Variants in LDHB observed in about 807,000 individuals in gnomAD.
LDHB encodes the protein lactate dehydrogenase B.
A neutral mutation model predicts 33.4 loss-of-function variants in LDHB; 18 were observed. The observed-to-expected ratio is 0.54, with a 90% confidence interval of 0.37 to 0.80. LDHB has a LOEUF of 0.80. Among genes scored for constraint, LDHB ranks in the 30% least tolerant of loss-of-function variants. LDHB has a pLI of 0.00. For synonymous variants in LDHB, 121 were observed against 140.6 expected, an observed-to-expected ratio of 0.86 and a Z score of 0.98; for missense variants, 345 against 407.9, an observed-to-expected ratio of 0.85 and a Z score of 1.33.
intron 2 of LDHB, among the ~76,000 whole-genome samples, chr12:21,652,417 A>G (rs920408568): frequency 6.6e-6 from 1 of 152,196 alleles, no homozygotes; most frequent in Non-Finnish European, 1.5e-5. Context: ...CCTATCTCCT[A>G]AGGTTGTTTA....
intron 3 of LDHB, 31 bp from the exon 4 acceptor site, chr12:21,644,139 T>C (rs777885842): frequency 6.9e-7 from 1 of 1,451,096 alleles, no homozygotes; most frequent in East Asian, 2.3e-5. Context: ...ACAGGTACTT[T>C]AAATGCAACT....
In LDHB at chr12:21,644,030, T is replaced by C. The variant is rs200872434; in HGVS notation, c.326A>G (p.Asn109Ser). The stretch of plus-strand genomic sequence containing the variant: ...GACATTAACATTTCTCTGCACCAGA[T>C]TGAGCCGACTCTCCCCTTCTTGCTG... ...VRQQEGESRL[N>S]LVQRNVNVFK... is the part of the protein sequence containing the mutation. The change falls in exon 4 of 8, where the codon AAT (asparagine) becomes AGT (serine). Residue 109 changes from asparagine (N) to serine (S), a missense_variant. Transcript: ENST00000350669. The C allele has an allele frequency of 2.5e-6, 4 of 1,612,588 alleles. No individual in the cohort carries two copies. The highest frequency in any genetic ancestry group is 1.1e-5 in the South Asian group (1 of 91,040).
rs556699145 is a variant in LDHB, at chr12:21,650,195, G to A, written c.130-3179C>T. ...TTAGTATGCATAAAATTTTGCGGGA[G>A]GAAAAGGTATAACCTTTCTCAAATA... is the stretch of plus-strand genomic sequence containing the variant. On this transcript the variant is annotated intron_variant, in intron 2 of 7. Coordinates refer to ENST00000350669, the MANE Select transcript of LDHB (RefSeq NM_002300.8). Among the ~76,000 whole-genome samples the A allele has an allele frequency of 7.3e-5, 11 of 151,568 alleles. No homozygotes were observed. The East Asian group carries it at 2.1e-3, about 29-fold the overall frequency.
chr12:21,643,963 A>G lies in LDHB; in HGVS notation c.393T>C (p.Asp131=), dbSNP rs138677889. 3.2e-5 allele frequency: 52 copies of G among 1,612,684 alleles called. No individual in the cohort carries two copies. The African/African-American group carries it at 6.1e-4, about 19-fold the overall frequency. The change falls in exon 4 of 8, where the codon GAT becomes GAC. Residue 131 remains aspartate, a synonymous_variant. Transcript: ENST00000350669. ...GGTTGGAAACCACAATTATGATGCAATCAGGACTGTACTTGACGATCTGAG... is the reference window on the plus strand; with the variant it reads ...GGTTGGAAACCACAATTATGATGCAGTCAGGACTGTACTTGACGATCTGAG... The part of the protein sequence containing the change: ...IIPQIVKYSP[D]CIIIVVSNPV...
At chr12:21,637,672 A>C (rs189991392) in intron 6 of LDHB, among the ~76,000 whole-genome samples, 1 of 152,186 alleles carries the variant, frequency 6.6e-6, no homozygotes, top group Admixed American at 6.5e-5. Flanking sequence ...CTTAAAACCC[A>C]TAAAGGCCCT....
chr12:21,653,320 C>A (rs1356448531), intron 2 of LDHB, among the ~76,000 whole-genome samples: 1 of 152,134 alleles, frequency 6.6e-6, no homozygotes, highest in African/African-American at 2.4e-5. Context: ...TACTCTAAAA[C>A]AGGGGTCCCC....
intron 2 of LDHB, among the ~76,000 whole-genome samples, chr12:21,648,222 A>G (rs1047782771): frequency 9.9e-5 from 15 of 152,144 alleles, no homozygotes; most frequent in African/African-American, 3.6e-4. Flanking sequence ...GCTAAGTAGA[A>G]TACATCAATA....
rs148015746 is a variant in LDHB at position 21,639,013 on chromosome 12, C to T, written c.596-543G>A. ...TGGGCCTTTGAATTGGACCTTAAAA[C>T]CTAAGTTATATGTTTCTTGGAGACC... On this transcript the variant is annotated intron_variant, in intron 5 of 7. Coordinates refer to ENST00000350669, the MANE Select transcript of LDHB (RefSeq NM_002300.8). Among the ~76,000 whole-genome samples the T allele has an allele frequency of 2.7e-3, 407 of 151,838 alleles. 4 individuals carry two copies. The highest frequency in any genetic ancestry group is 9.4e-3 in the African/African-American group (390 of 41,468).
chr12:21,647,565 T>C (rs561312187), intron 2 of LDHB, among the ~76,000 whole-genome samples: 1 of 152,292 alleles, frequency 6.6e-6, no homozygotes, highest in Admixed American at 6.5e-5. Flanking sequence ...ACTCCAAATC[T>C]GTGCCTGAGA....
At position 21,644,073 on chromosome 12, in the gene LDHB, C is replaced by G; in HGVS notation, c.283G>C (p.Val95Leu). ...SVTANSKIVV[V>L]TAGVRQQEGE... The stretch of plus-strand genomic sequence containing the variant: ...TCTTGCTGACGGACTCCTGCAGTTA[C>G]CACTACAATCTTAGAATTGGCAGTC... The change falls in exon 4 of 8, where the codon GTA becomes CTA. Residue 95 changes from valine to leucine, a missense_variant. Val to Leu is a conservative substitution (Grantham distance 32, BLOSUM62 1). Transcript: ENST00000350669. 1 of 1,613,398 alleles carries G rather than the reference C, an allele frequency of 6.2e-7. No individual in the cohort carries two copies. Among genetic ancestry groups the G allele is most frequent in the Non-Finnish European group, 8.5e-7 (1 of 1,179,446 alleles).
chr12:21,639,532 A>G (rs988233196), intron 5 of LDHB, among the ~76,000 whole-genome samples: 1 of 152,050 alleles, frequency 6.6e-6, no homozygotes, highest in African/African-American at 2.4e-5. Flanking sequence ...AGGACATGTA[A>G]TATCACTTCT....
chr12:21,641,014 A>T (rs1938357691), intron 5 of LDHB, among the ~76,000 whole-genome samples: 1 of 152,190 alleles, frequency 6.6e-6, no homozygotes, highest in South Asian at 2.1e-4. Context: ...CAACTAATAC[A>T]GAATAAATGA....
intron 3 of LDHB, 92 bp from the exon 4 acceptor site, chr12:21,644,200 T>C: frequency 1.1e-6 from 1 of 931,174 alleles, no homozygotes. Flanking sequence ...TAACCATACA[T>C]AAGCTTCTAG....
At chr12:21,652,957 G>A (rs963900241) in intron 2 of LDHB, among the ~76,000 whole-genome samples, 2 of 152,176 alleles carry the variant, frequency 1.3e-5, no homozygotes, top group Non-Finnish European at 2.9e-5. Context: ...GGCTTGGTTA[G>A]GGGTTATTCA....
At chr12:21,654,190 G>C (rs185492039) in intron 2 of LDHB, among the ~76,000 whole-genome samples, 1 of 152,200 alleles carries the variant, frequency 6.6e-6, no homozygotes. Context: ...AGAATGAAGA[G>C]ACGTAAGTAT....
In LDHB at chr12:21,644,722, C is replaced by T. The variant is rs555733234; in HGVS notation, c.248-614G>A. Among the ~76,000 whole-genome samples, 19 of 152,250 alleles carry T rather than the reference C, an allele frequency of 1.2e-4. No individual in the cohort carries two copies. In the East Asian group the frequency reaches 3.5e-3, roughly 28 times the overall value. On this transcript the variant is annotated intron_variant, in intron 3 of 7. Transcript: ENST00000350669. ...GCTATGGATGATTCACATAATTAAACTGGGTTACAGTGCGGCTTTTGATGA... is the reference window on the plus strand; with the variant it reads ...GCTATGGATGATTCACATAATTAAATTGGGTTACAGTGCGGCTTTTGATGA...
Position 21,654,692 on chromosome 12 carries a change from T to C in LDHB, c.-6-15A>G, listed in dbSNP as rs1445847823. 3.7e-6 allele frequency: 6 copies of C among 1,604,632 alleles called. No homozygotes were observed. The East Asian group carries it at 1.3e-4, about 36-fold the overall frequency. ...GCCATTTTGCACTGCAAGGAAAGAA[T>C]CAAAACATTACACGTATATCTGCAT... On this transcript the variant is annotated splice_polypyrimidine_tract_variant and intron_variant, in intron 1 of 7. Transcript: ENST00000350669.
intron 6 of LDHB, 29 bp downstream of exon 6, chr12:21,638,324 C>A (rs374535521): frequency 1.3e-5 from 14 of 1,117,872 alleles, no homozygotes; most frequent in Middle Eastern, 2.2e-4. Flanking sequence ...TGAAATTAAT[C>A]ATCTAAAATC....
At chr12:21,653,985 T>C (rs1938764520) in intron 2 of LDHB, among the ~76,000 whole-genome samples, 1 of 152,140 alleles carries the variant, frequency 6.6e-6, no homozygotes, top group African/African-American at 2.4e-5. Context: ...ACATCATGTG[T>C]CTCCTGATGG....
Sources: allele counts gnomAD v4.1 joint callset (sites outside exome capture counted in the v4.1 genomes callset), GRCh38; gene constraint gnomAD v4.1.1; transcripts MANE v1.5; gene names NCBI Gene and HGNC (gene_info 2026-07-23, HGNC 2026-07-21).